TMTC1: variants seen among roughly 807,000 people sequenced by gnomAD.
TMTC1 encodes protein O-mannosyl-transferase TMTC1.
A neutral mutation model predicts 104.8 loss-of-function variants in TMTC1; 73 were observed. The ratio of observed to expected loss-of-function variants is 0.70; its 90% CI spans 0.58 to 0.85. The LOEUF (loss-of-function observed/expected upper bound fraction) is 0.85. Among genes scored for constraint, TMTC1 ranks in the 40% least tolerant of loss-of-function variants. The pLI, the probability that TMTC1 is intolerant of heterozygous loss-of-function variation, is 0.00. For synonymous variants in TMTC1, 434 were observed against 428.7 expected (o/e 1.01, Z -0.15); for missense variants, 1,035 against 1,096.1 (o/e 0.94, Z 0.79).
chr12:29,622,032 A>G (rs1052809927), intron 6 of TMTC1, among the ~76,000 whole-genome samples: 2 of 152,156 alleles, frequency 1.3e-5, no homozygotes, highest in Non-Finnish European at 2.9e-5. Context: ...CCTACTAAAA[A>G]TTTAAAAAAC....
At chr12:29,781,827 T>C (rs1045059444) in intron 1 of TMTC1, among the ~76,000 whole-genome samples, 2 of 151,408 alleles carry the variant, frequency 1.3e-5, no homozygotes, top group South Asian at 2.1e-4. Flanking sequence ...TGAGATCCCA[T>C]CCCAAAAAAG....
chr12:29,674,421 AC>A (rs71045826), intron 5 of TMTC1, among the ~76,000 whole-genome samples: 39,238 of 152,020 alleles, frequency 0.26, 5,579 homozygotes, highest in African/African-American at 0.35. Flanking sequence ...CCAGAAAAAA[AC>A]AATCAGAAAC....
At chr12:29,740,186 A>T (rs190159505) in intron 5 of TMTC1, among the ~76,000 whole-genome samples, 192 of 152,050 alleles carry the variant, frequency 1.3e-3, no homozygotes, top group African/African-American at 4.1e-3. Context: ...GCTCATTTTT[A>T]AAAAAAATTT....
At chr12:29,742,914 CT>C (rs1358904261) in intron 5 of TMTC1, among the ~76,000 whole-genome samples, 2 of 152,192 alleles carry the variant, frequency 1.3e-5, no homozygotes, top group Non-Finnish European at 2.9e-5. Flanking sequence ...GACTATACAA[CT>C]TTCCTTCATT....
In TMTC1 at chr12:29,598,834, CAG is replaced by C. The variant is rs568872590; in HGVS notation, c.1250+5342_1250+5343del. 4.7e-4 allele frequency among the ~76,000 whole-genome samples: 72 copies of C among 152,310 alleles called. 1 individual carries two copies. In the South Asian group the frequency reaches 0.012, roughly 26 times the overall value. Reference sequence around the variant, plus strand: ...TAGTTCTGTTTTTCAGTGGAGTTTTCAGAGTTTCCTACGTATATAAATTTAAT... The same window carrying C: ...TAGTTCTGTTTTTCAGTGGAGTTTTCAGTTTCCTACGTATATAAATTTAAT... On this transcript the variant is annotated intron_variant, in intron 7 of 17. Coordinates refer to ENST00000539277, the MANE Select transcript of TMTC1 (RefSeq NM_001193451.2).
intron 5 of TMTC1, among the ~76,000 whole-genome samples, chr12:29,740,507 C>T (rs1942796850): frequency 6.6e-6 from 1 of 152,188 alleles, no homozygotes; most frequent in South Asian, 2.1e-4. Flanking sequence ...TCTGGGGACT[C>T]CAACTGGCAC....
At chr12:29,576,300 G>C (rs1945820559) in intron 8 of TMTC1, among the ~76,000 whole-genome samples, 1 of 152,090 alleles carries the variant, frequency 6.6e-6, no homozygotes, top group South Asian at 2.1e-4. Flanking sequence ...TGCGCTCTTA[G>C]TGTTGTATCA....
chr12:29,520,817 T>A, intron 11 of TMTC1, 97 bp from the exon 12 acceptor site: 2 of 936,838 alleles, frequency 2.1e-6, no homozygotes, highest in Non-Finnish European at 3.2e-6. Flanking sequence ...AAAAAATAAA[T>A]CTTACTAAGC....
chr12:29,540,483 TTCAAATCTAGAC>T (rs1944765344), intron 10 of TMTC1, among the ~76,000 whole-genome samples: 4 of 152,204 alleles, frequency 2.6e-5, no homozygotes, highest in Admixed American at 2.6e-4. Context: ...AATTTAGAAC[TTCAAATCTAGAC>T]CGTTCCATTG....
At chr12:29,716,354 T>C (rs1942081512) in intron 5 of TMTC1, among the ~76,000 whole-genome samples, 1 of 152,200 alleles carries the variant, frequency 6.6e-6, no homozygotes, top group Non-Finnish European at 1.5e-5. Context: ...ATTTTACAGA[T>C]AAGGCAACGA....
chr12:29,754,034 T>G (rs1360168988), intron 4 of TMTC1, among the ~76,000 whole-genome samples: 1 of 152,154 alleles, frequency 6.6e-6, no homozygotes, highest in African/African-American at 2.4e-5. Context: ...GCCCAGCTAA[T>G]TTTTGTATTT....
At chr12:29,622,175 G>A (rs986463698) in intron 6 of TMTC1, among the ~76,000 whole-genome samples, 2 of 152,148 alleles carry the variant, frequency 1.3e-5, no homozygotes, top group African/African-American at 4.8e-5. Flanking sequence ...TCAGGTATCA[G>A]TAGCCCACCT....
At chr12:29,779,715 AG>A (rs1943790341) in intron 1 of TMTC1, among the ~76,000 whole-genome samples, 1 of 152,242 alleles carries the variant, frequency 6.6e-6, no homozygotes, top group Admixed American at 6.5e-5. Flanking sequence ...GCACTGAGAA[AG>A]GTCCTGTGAG....
At chr12:29,736,531 T>C (rs1942679426) in intron 5 of TMTC1, among the ~76,000 whole-genome samples, 4 of 152,130 alleles carry the variant, frequency 2.6e-5, no homozygotes, top group Admixed American at 2.6e-4. Flanking sequence ...GTGATTCTCC[T>C]GCCTCAGCCT....
chr12:29,737,233 G>C (rs1289248623), intron 5 of TMTC1, among the ~76,000 whole-genome samples: 1 of 152,022 alleles, frequency 6.6e-6, no homozygotes, highest in Non-Finnish European at 1.5e-5. Flanking sequence ...TGCAAAACAG[G>C]GGTGGCCGGG....
rs1157930691 is a variant in TMTC1, at chr12:29,501,719, T to C, written c.*5127A>G. On this transcript the variant is annotated 3_prime_UTR_variant, in exon 18 of 18. Coordinates refer to ENST00000539277, the MANE Select transcript of TMTC1 (RefSeq NM_001193451.2). ...CCAGGTAGGAGTCAATGGTGATCTA[T>C]GCTTACAAACCAATAATGACCATAT... The C allele has an allele frequency of 6.6e-6, 1 of 152,236 alleles. No homozygotes were observed. The highest frequency in any genetic ancestry group is 1.9e-4 in the East Asian group (1 of 5,206). 9.4% of individuals were successfully genotyped at this position (152,236 alleles called of 1,614,324 possible). A position where few individuals can be genotyped will look rare whatever the true frequency, so the allele number is the denominator to read the frequency against.
intron 7 of TMTC1, among the ~76,000 whole-genome samples, chr12:29,589,426 T>C (rs1946223375): frequency 1.3e-5 from 2 of 152,228 alleles, no homozygotes; most frequent in South Asian, 2.1e-4. Context: ...AGCAAAGATA[T>C]AAACCCAGGA....
At chr12:29,684,930 T>G (rs12229285) in intron 5 of TMTC1, among the ~76,000 whole-genome samples, 1 of 152,086 alleles carries the variant, frequency 6.6e-6, no homozygotes, top group Non-Finnish European at 1.5e-5. Flanking sequence ...TGTTCAGACG[T>G]GGTATGTTGT....
intron 9 of TMTC1, among the ~76,000 whole-genome samples, chr12:29,570,887 C>CCT (rs1220954256): frequency 4.1e-5 from 1 of 24,384 alleles, no homozygotes; most frequent in Non-Finnish European, 1.5e-4. Context: ...AAACACCCCC[C>CCT]CCCCCCGCCA....
Sources: gnomAD v4.1 joint callset for allele counts (sites outside exome capture counted in the v4.1 genomes callset) on GRCh38, gnomAD v4.1.1 for gene constraint, MANE v1.5 for transcripts, NCBI Gene and HGNC (gene_info 2026-07-23, HGNC 2026-07-21) for gene names.